ARHGEF28: variants seen among roughly 807,000 people sequenced by gnomAD.
The protein encoded by ARHGEF28 is Rho guanine nucleotide exchange factor 28, also known as 190 kDa guanine nucleotide exchange factor.
A neutral mutation model predicts 206.6 loss-of-function variants in ARHGEF28; 152 were observed. The observed-to-expected ratio is 0.74, with a 90% confidence interval of 0.64 to 0.84. The LOEUF is 0.84. Among genes scored for constraint, ARHGEF28 ranks in the 40% least tolerant of loss-of-function variants. The pLI, the probability that ARHGEF28 is intolerant of heterozygous loss-of-function variation, is 0.00. For missense variants in ARHGEF28, 2,028 were observed against 2,073.2 expected, an observed-to-expected ratio of 0.98 and a Z score of 0.42; for synonymous variants, 763 against 776.4, an observed-to-expected ratio of 0.98 and a Z score of 0.29.
At chr5:73,837,229 A>T (rs1757700818) in intron 10 of ARHGEF28, among the ~76,000 whole-genome samples, 1 of 151,970 alleles carries the variant, frequency 6.6e-6, no homozygotes, top group South Asian at 2.1e-4. Flanking sequence ...TAGAGATTAA[A>T]TAGAATCTGT....
chr5:73,938,931 C>A (rs1377337217), intron 35 of ARHGEF28, among the ~76,000 whole-genome samples: 1 of 120,630 alleles, frequency 8.3e-6, no homozygotes. Flanking sequence ...ATTAATATGT[C>A]TTTTTTTTTT....
chr5:73,721,492 T>A (rs1322738575), intron 2 of ARHGEF28, among the ~76,000 whole-genome samples: 2 of 152,150 alleles, frequency 1.3e-5, no homozygotes, highest in African/African-American at 4.8e-5. Context: ...TCAGGTATAT[T>A]TTCCCCCCAG....
intron 1 of ARHGEF28, among the ~76,000 whole-genome samples, chr5:73,646,798 G>A (rs1263936470): frequency 6.6e-6 from 1 of 152,218 alleles, no homozygotes; most frequent in Non-Finnish European, 1.5e-5. Context: ...AATAAGATAG[G>A]AATGTGTCTC....
chr5:73,716,048 A>G (rs768623958), intron 2 of ARHGEF28, among the ~76,000 whole-genome samples: 6 of 152,218 alleles, frequency 3.9e-5, no homozygotes, highest in African/African-American at 1.2e-4. Context: ...GATTAAAACT[A>G]TAGGTTTGTT....
At chr5:73,665,967 AG>A in intron 1 of ARHGEF28, among the ~76,000 whole-genome samples, 1 of 152,220 alleles carries the variant, frequency 6.6e-6, no homozygotes, top group Non-Finnish European at 1.5e-5. Flanking sequence ...AAAAGTTCAA[AG>A]TACAAACTGT....
At chr5:73,922,983 T>C in intron 35 of ARHGEF28, 1 of 1,104,568 alleles carries the variant, frequency 9.1e-7, no homozygotes. Flanking sequence ...AAAGTACTTT[T>C]CATTGGCATG....
chr5:73,746,564 A>T (rs1191704535), intron 2 of ARHGEF28, among the ~76,000 whole-genome samples: 1 of 152,144 alleles, frequency 6.6e-6, no homozygotes, highest in African/African-American at 2.4e-5. Context: ...GCTATTATTT[A>T]TTCAATAATG....
chr5:73,846,487 G>C lies in ARHGEF28; in HGVS notation c.1635+12G>C. 1 of 1,609,498 alleles carries C rather than the reference G, an allele frequency of 6.2e-7. No individual in the cohort carries two copies. The highest frequency in any genetic ancestry group is 2.2e-5 in the East Asian group (1 of 44,826). ...ATCTACAGTCGAAGGTATTCTTATTGCTATTAATTTGGTATATTGCAAGTG... is the reference window on the plus strand; with the variant it reads ...ATCTACAGTCGAAGGTATTCTTATTCCTATTAATTTGGTATATTGCAAGTG... On this transcript the variant is annotated intron_variant, in intron 12 of 35. Transcript: ENST00000513042.
chr5:73,808,695 A>T (rs928163192), intron 9 of ARHGEF28, among the ~76,000 whole-genome samples: 12 of 152,186 alleles, frequency 7.9e-5, no homozygotes, highest in Admixed American at 2.6e-4. Context: ...CTAGCCTCAG[A>T]GGCCTTGCCT....
chr5:73,700,426 A>T (rs1412218560), intron 2 of ARHGEF28, among the ~76,000 whole-genome samples: 1 of 152,218 alleles, frequency 6.6e-6, no homozygotes, highest in African/African-American at 2.4e-5. Context: ...AAAAAAGTTA[A>T]AAAGAATTTG....
At chr5:73,871,151 T>C (rs1230803499) in intron 21 of ARHGEF28, among the ~76,000 whole-genome samples, 1 of 152,234 alleles carries the variant, frequency 6.6e-6, no homozygotes, top group African/African-American at 2.4e-5. Context: ...ATTCTCAATT[T>C]CATATTATTA....
At chr5:73,906,475 G>A (rs566374254) in intron 33 of ARHGEF28, among the ~76,000 whole-genome samples, 6 of 152,256 alleles carry the variant, frequency 3.9e-5, no homozygotes, top group African/African-American at 1.4e-4. Flanking sequence ...ACCTGCCTTG[G>A]CCTCCCAAAG....
chr5:73,838,163 C>T (rs1313122862), intron 10 of ARHGEF28, among the ~76,000 whole-genome samples: 3 of 152,170 alleles, frequency 2.0e-5, no homozygotes, highest in African/African-American at 4.8e-5. Context: ...ATTCAACAAA[C>T]TGCAACATAG....
chr5:73,824,104 T>C (rs192922299), intron 9 of ARHGEF28, among the ~76,000 whole-genome samples: 237 of 152,356 alleles, frequency 1.6e-3, no homozygotes, highest in East Asian at 0.013. Context: ...CTTCCTGATA[T>C]CTTCTTCCCA....
intron 1 of ARHGEF28, among the ~76,000 whole-genome samples, chr5:73,654,729 T>G (rs907473078): frequency 1.3e-5 from 2 of 152,236 alleles, no homozygotes; most frequent in Non-Finnish European, 2.9e-5. Flanking sequence ...CTCAGTCATC[T>G]CTTTCATCCA....
intron 1 of ARHGEF28, among the ~76,000 whole-genome samples, chr5:73,679,369 C>G (rs1343398928): frequency 6.6e-6 from 1 of 152,106 alleles, no homozygotes; most frequent in Non-Finnish European, 1.5e-5. Context: ...GAGTTCGAGA[C>G]CAGCCTGGCC....
chr5:73,726,438 T>G (rs1032403760), intron 2 of ARHGEF28, among the ~76,000 whole-genome samples: 3 of 152,240 alleles, frequency 2.0e-5, no homozygotes, highest in Admixed American at 6.5e-5. Context: ...TTAGCTTTGG[T>G]TTTATTTTTG....
At chr5:73,770,054 T>C (rs1753137856) in intron 4 of ARHGEF28, among the ~76,000 whole-genome samples, 1 of 152,256 alleles carries the variant, frequency 6.6e-6, no homozygotes, top group East Asian at 1.9e-4. Context: ...CCAGATCTTG[T>C]GTGGATATGG....
intron 1 of ARHGEF28, among the ~76,000 whole-genome samples, chr5:73,632,005 G>A (rs937574049): frequency 2.6e-5 from 4 of 152,046 alleles, no homozygotes; most frequent in East Asian, 1.9e-4. Flanking sequence ...ACTTTACATC[G>A]TGACTGTAGC....
Sources: allele counts gnomAD v4.1 joint callset (sites outside exome capture counted in the v4.1 genomes callset), GRCh38; gene constraint gnomAD v4.1.1; transcripts MANE v1.5; gene names NCBI Gene and HGNC (gene_info 2026-07-23, HGNC 2026-07-21).